The following DTNA variants were observed in gnomAD, a reference collection of about 807,000 sequenced individuals.
DTNA encodes dystrophin-related protein 3.
A neutral mutation model predicts 100.7 loss-of-function variants in DTNA; 43 were observed. That is an observed-to-expected ratio of 0.43 (90% CI 0.33 to 0.55). The LOEUF (loss-of-function observed/expected upper bound fraction) is 0.55, where lower values mean the gene tolerates loss of function less well. Among genes scored for constraint, DTNA ranks in the 20% least tolerant of loss-of-function variants. The pLI, the probability that DTNA is intolerant of heterozygous loss-of-function variation, is 0.04. For synonymous variants in DTNA, 349 were observed against 347.9 expected (o/e 1.00, Z -0.04); for missense variants, 798 against 953.9 (o/e 0.84, Z 2.15).
At chr18:34,804,684 A>G (rs997459012) in intron 4 of DTNA, among the ~76,000 whole-genome samples, 1 of 152,212 alleles carries the variant, frequency 6.6e-6, no homozygotes, top group Non-Finnish European at 1.5e-5. Context: ...TCTGAGTATT[A>G]TGGAAGAGCT....
At position 34,858,354 on chromosome 18, in the gene DTNA, G is replaced by A. The variant is rs1339103037; in HGVS notation, c.1602G>A (p.Lys534=). 3.1e-6 allele frequency: 5 copies of A among 1,614,062 alleles called. No homozygotes were observed. In the African/African-American group the frequency reaches 4.0e-5, roughly 13 times the overall value. Residue 534 remains lysine, a synonymous_variant, in exon 16 of 23, where the codon AAG becomes AAA. Coordinates refer to ENST00000444659, the MANE Select transcript of DTNA (RefSeq NM_001386795.1). The part of the protein sequence containing the change: ...HEQASQPTPE[K]AQQNPTLLAE... ...AAGCTTCTCAGCCCACGCCAGAGAA[G>A]GCACAGCAAAACCCCACCCTGCTGG...
intron 1 of DTNA, among the ~76,000 whole-genome samples, chr18:34,682,450 A>G (rs2078266986): frequency 6.6e-6 from 1 of 152,206 alleles, no homozygotes; most frequent in African/African-American, 2.4e-5. Flanking sequence ...GAAACTGCCA[A>G]ACTGTCTTCC....
intron 1 of DTNA, among the ~76,000 whole-genome samples, chr18:34,664,813 T>C (rs2075675985): frequency 6.6e-6 from 1 of 152,106 alleles, no homozygotes; most frequent in African/African-American, 2.4e-5. Flanking sequence ...ATAGGGTAAA[T>C]ATTGATAGGT....
Position 34,879,675 on chromosome 18 carries a change from G to T in DTNA, c.2118G>T (p.Gly706=). The T allele has an allele frequency of 6.2e-6, 10 of 1,614,112 alleles. No individual in the cohort carries two copies. Among genetic ancestry groups the T allele is most frequent in the Non-Finnish European group, 8.5e-6 (10 of 1,179,996 alleles). Residue 706 remains glycine (G), a synonymous_variant, in exon 20 of 23, where the codon GGG becomes GGT. Transcript: ENST00000444659. The part of the protein sequence containing the change: ...FLAQIHARKP[G]YIHSGATTST... ...CGCAAATCCATGCCCGAAAACCTGGGTACATTCACAGTGGAGCTACCACAA... is the reference window on the plus strand; with the variant it reads ...CGCAAATCCATGCCCGAAAACCTGGTTACATTCACAGTGGAGCTACCACAA...
intron 1 of DTNA, among the ~76,000 whole-genome samples, chr18:34,687,252 C>T (rs1039227848): frequency 3.9e-5 from 6 of 152,138 alleles, no homozygotes; most frequent in Non-Finnish European, 7.3e-5. Context: ...AATTTTAGCT[C>T]TTTCCTGCTT....
chr18:34,503,134 G>A (rs548506012), intron 1 of DTNA, among the ~76,000 whole-genome samples: 56 of 151,946 alleles, frequency 3.7e-4, no homozygotes, highest in Non-Finnish European at 6.3e-4. Context: ...TATTTGCTCT[G>A]AAGACTACTT....
intron 5 of DTNA, among the ~76,000 whole-genome samples, chr18:34,810,711 C>T (rs775045406): frequency 7.2e-5 from 11 of 151,954 alleles, no homozygotes; most frequent in Non-Finnish European, 1.3e-4. Flanking sequence ...ATTCCCAATA[C>T]AAAGAAATGA....
intron 1 of DTNA, among the ~76,000 whole-genome samples, chr18:34,577,931 G>GTTT (rs35293190): frequency 2.9e-5 from 4 of 139,550 alleles, no homozygotes; most frequent in Non-Finnish European, 6.3e-5. Flanking sequence ...ACATGTGCAA[G>GTTT]TTTTTTTTTT....
chr18:34,620,735 A>T (rs750556178), intron 1 of DTNA, among the ~76,000 whole-genome samples: 8 of 152,190 alleles, frequency 5.3e-5, no homozygotes, highest in Non-Finnish European at 1.2e-4. Context: ...TCATGAGAAC[A>T]GCACAACGGG....
intron 1 of DTNA, among the ~76,000 whole-genome samples, chr18:34,638,936 G>A (rs931217857): frequency 6.6e-6 from 1 of 152,206 alleles, no homozygotes; most frequent in Admixed American, 6.5e-5. Flanking sequence ...TCACCTCCCG[G>A]GTTCAAGTGA....
intron 15 of DTNA, among the ~76,000 whole-genome samples, chr18:34,854,268 C>G (rs1413390714): frequency 1.3e-5 from 2 of 152,178 alleles, no homozygotes; most frequent in South Asian, 2.1e-4. Flanking sequence ...GACAATTAGA[C>G]TTAATCCAAA....
intron 1 of DTNA, among the ~76,000 whole-genome samples, chr18:34,722,606 T>TAA (rs2085591611): frequency 6.8e-6 from 1 of 147,130 alleles, no homozygotes; most frequent in Non-Finnish European, 1.5e-5. Context: ...TATATATACA[T>TAA]ACACACACAC....
chr18:34,571,870 A>G (rs1333391214), intron 1 of DTNA, among the ~76,000 whole-genome samples: 4 of 152,194 alleles, frequency 2.6e-5, no homozygotes, highest in South Asian at 2.1e-4. Flanking sequence ...ATTAAATTGA[A>G]TAGGTATCAA....
intron 1 of DTNA, among the ~76,000 whole-genome samples, chr18:34,690,293 C>G (rs2079559868): frequency 6.6e-6 from 1 of 152,204 alleles, no homozygotes. Context: ...TCAAGAGCAT[C>G]TCCTTGCAAA....
chr18:34,799,877 C>T (rs1181840353), intron 4 of DTNA, among the ~76,000 whole-genome samples: 2 of 152,116 alleles, frequency 1.3e-5, no homozygotes, highest in Admixed American at 1.3e-4. Context: ...CCCTTCTGTT[C>T]TGGAGAAACC....
intron 1 of DTNA, among the ~76,000 whole-genome samples, chr18:34,551,695 T>C (rs1439467816): frequency 1.3e-5 from 2 of 152,126 alleles, no homozygotes; most frequent in African/African-American, 2.4e-5. Flanking sequence ...AGGCTGAACA[T>C]AGCAGGAGGG....
chr18:34,689,468 G>A (rs2079415821), intron 1 of DTNA, among the ~76,000 whole-genome samples: 1 of 152,176 alleles, frequency 6.6e-6, no homozygotes, highest in African/African-American at 2.4e-5. Context: ...GGTATCACCA[G>A]TGAAGGCTGC....
intron 10 of DTNA, chr18:34,829,136 C>T (rs1602858046): frequency 1.2e-6 from 2 of 1,613,958 alleles, no homozygotes; most frequent in Non-Finnish European, 1.7e-6. Context: ...TCTGGTTCCT[C>T]CAGGGTGCAT....
intron 1 of DTNA, among the ~76,000 whole-genome samples, chr18:34,533,843 A>T (rs1450783369): frequency 6.6e-6 from 1 of 152,116 alleles, no homozygotes; most frequent in Non-Finnish European, 1.5e-5. Context: ...TCTTATGACA[A>T]TCGTTCTAAA....
Sources: allele counts gnomAD v4.1 joint callset (sites outside exome capture counted in the v4.1 genomes callset), GRCh38; gene constraint gnomAD v4.1.1; transcripts MANE v1.5; gene names NCBI Gene and HGNC (gene_info 2026-07-23, HGNC 2026-07-21).